Variants in DTD1 observed in about 807,000 individuals in gnomAD.
DTD1 encodes the protein D-tyrosyl-tRNA deacylase 1 homolog.
DTD1 carries 13 observed loss-of-function variants against 25.6 expected under a neutral mutation model. The observed-to-expected ratio is 0.51, with a 90% CI of 0.33 to 0.81. The LOEUF (loss-of-function observed/expected upper bound fraction) is 0.81, where lower values mean the gene tolerates loss of function less well. DTD1 is among the 30% of genes least tolerant of loss of function. The probability of loss-of-function intolerance (pLI) is 0.02; values close to 1 mark genes in which losing one functional copy is unlikely to be tolerated. For missense variants in DTD1, 193 were observed against 266.4 expected (o/e 0.72, Z 1.92); for synonymous variants, 110 against 103.6 (o/e 1.06, Z -0.37).
intron 4 of DTD1, among the ~76,000 whole-genome samples, chr20:18,692,723 A>T (rs947286020): frequency 6.6e-6 from 1 of 152,184 alleles, no homozygotes; most frequent in Non-Finnish European, 1.5e-5. Flanking sequence ...ATACGCCTAT[A>T]AATTATGTTT....
intron 4 of DTD1, among the ~76,000 whole-genome samples, chr20:18,709,244 C>T (rs1301904918): frequency 6.6e-6 from 1 of 152,060 alleles, no homozygotes; most frequent in Non-Finnish European, 1.5e-5. Context: ...TTGCAAAGCC[C>T]AGGGTTTTAT....
In DTD1 at chr20:18,650,293, A is replaced by G. The variant is rs545220582; in HGVS notation, c.477+22060A>G. The stretch of plus-strand genomic sequence containing the variant: ...TTAACAGTTTCTACATGGCTATAGC[A>G]GAGTATTTAACTAAGTGCAGAACCA... On this transcript the variant is annotated intron_variant, in intron 4 of 5. Coordinates refer to ENST00000377452, the MANE Select transcript of DTD1 (RefSeq NM_080820.6). 3.9e-5 allele frequency among the ~76,000 whole-genome samples: 6 copies of G among 152,144 alleles called. No individual in the cohort carries two copies. The East Asian group carries it at 7.7e-4, about 20-fold the overall frequency.
chr20:18,595,977 G>GC, intron 2 of DTD1, 29 bp from the exon 3 acceptor site: 1 of 1,598,076 alleles, frequency 6.3e-7, no homozygotes, highest in Non-Finnish European at 8.6e-7. Flanking sequence ...GATCTCTCAG[G>GC]TAGCTCTCAC....
At chr20:18,656,139 A>G (rs2060890897) in intron 4 of DTD1, among the ~76,000 whole-genome samples, 1 of 152,044 alleles carries the variant, frequency 6.6e-6, no homozygotes, top group South Asian at 2.1e-4. Context: ...ATATTTGCTT[A>G]CTTCTGTTTT....
chr20:18,613,589 C>G (rs992484674), intron 3 of DTD1, among the ~76,000 whole-genome samples: 2 of 152,176 alleles, frequency 1.3e-5, no homozygotes, highest in African/African-American at 4.8e-5. Context: ...GAAAACCCAC[C>G]TCTGCTGAGA....
intron 4 of DTD1, among the ~76,000 whole-genome samples, chr20:18,703,108 G>A (rs1402163772): frequency 1.3e-5 from 2 of 152,110 alleles, no homozygotes; most frequent in South Asian, 4.1e-4. Flanking sequence ...TAAATCTTCT[G>A]CCTTTTAAAA....
chr20:18,591,277 C>G (rs972236695), intron 1 of DTD1, among the ~76,000 whole-genome samples: 2 of 152,084 alleles, frequency 1.3e-5, no homozygotes, highest in Non-Finnish European at 2.9e-5. Flanking sequence ...ATAAAACTGT[C>G]AAAATTCTTT....
At chr20:18,682,000 TG>T (rs1291536736) in intron 4 of DTD1, among the ~76,000 whole-genome samples, 1 of 152,200 alleles carries the variant, frequency 6.6e-6, no homozygotes, top group East Asian at 1.9e-4. Context: ...CCACTAGCCA[TG>T]GGAGGGAGGA....
At chr20:18,684,210 C>G (rs945765651) in intron 4 of DTD1, among the ~76,000 whole-genome samples, 1 of 152,024 alleles carries the variant, frequency 6.6e-6, no homozygotes, top group Non-Finnish European at 1.5e-5. Flanking sequence ...TGCCTCCCCA[C>G]CCCACCCCTG....
At chr20:18,755,426 G>A (rs1253624415) in intron 5 of DTD1, among the ~76,000 whole-genome samples, 8 of 150,910 alleles carry the variant, frequency 5.3e-5, no homozygotes, top group Admixed American at 1.3e-4. Context: ...CCTCTCCCCC[G>A]ACCCCACAAC....
At chr20:18,626,973 T>C (rs79218384) in intron 3 of DTD1, among the ~76,000 whole-genome samples, 4,464 of 152,310 alleles carry the variant, frequency 0.029, 108 homozygotes, top group African/African-American at 0.05. Context: ...ATGATTTCCT[T>C]CCCAGCTGAT....
chr20:18,722,725 AC>A (rs2061209039), intron 4 of DTD1, among the ~76,000 whole-genome samples: 2 of 152,258 alleles, frequency 1.3e-5, no homozygotes, highest in Admixed American at 1.3e-4. Flanking sequence ...AGGTAGGTGG[AC>A]CTGCTGGGAC....
At chr20:18,634,539 A>G (rs906925606) in intron 4 of DTD1, among the ~76,000 whole-genome samples, 1 of 152,224 alleles carries the variant, frequency 6.6e-6, no homozygotes, top group African/African-American at 2.4e-5. Context: ...CTAGCGAAAC[A>G]CGGTGCCTTC....
At chr20:18,651,481 C>A (rs923214853) in intron 4 of DTD1, among the ~76,000 whole-genome samples, 10 of 152,352 alleles carry the variant, frequency 6.6e-5, no homozygotes, top group African/African-American at 2.4e-4. Flanking sequence ...ATTGTTGGTA[C>A]ATAATCTGCC....
intron 5 of DTD1, among the ~76,000 whole-genome samples, chr20:18,759,388 C>A (rs2061352299): frequency 6.6e-6 from 1 of 152,162 alleles, no homozygotes; most frequent in Admixed American, 6.5e-5. Flanking sequence ...TGTTCCTTTC[C>A]ATGTTTAGTG....
chr20:18,748,951 C>T (rs6136503), intron 5 of DTD1, among the ~76,000 whole-genome samples: 14,976 of 152,132 alleles, frequency 0.098, 994 homozygotes, highest in Admixed American at 0.17. Context: ...TTTTTCCTTC[C>T]CCTTCCCTAT....
At chr20:18,608,691 T>C (rs908692211) in intron 3 of DTD1, among the ~76,000 whole-genome samples, 1 of 152,216 alleles carries the variant, frequency 6.6e-6, no homozygotes, top group Non-Finnish European at 1.5e-5. Flanking sequence ...ACATTTCAGG[T>C]GCCCAATGGC....
chr20:18,724,135 T>C (rs1237910537), intron 4 of DTD1, among the ~76,000 whole-genome samples: 1 of 152,198 alleles, frequency 6.6e-6, no homozygotes, highest in Non-Finnish European at 1.5e-5. Flanking sequence ...AATTCCATCA[T>C]GTACTTTGTC....
chr20:18,614,770 G>A (rs1364689559), intron 3 of DTD1, among the ~76,000 whole-genome samples: 1 of 152,064 alleles, frequency 6.6e-6, no homozygotes. Flanking sequence ...GTCCCAGCAA[G>A]CTCCCTAGGC....
Sources: allele counts gnomAD v4.1 joint callset (sites outside exome capture counted in the v4.1 genomes callset), GRCh38; gene constraint gnomAD v4.1.1; transcripts MANE v1.5; gene names NCBI Gene and HGNC (gene_info 2026-07-23, HGNC 2026-07-21).